Variants in TRPM3 observed in about 807,000 individuals in gnomAD.
TRPM3 encodes the protein long transient receptor potential channel 3.
TRPM3 carries 77 observed loss-of-function variants against 181.2 expected under a neutral mutation model. That is an observed-to-expected ratio of 0.42 (90% CI 0.35 to 0.51). The LOEUF (loss-of-function observed/expected upper bound fraction) is 0.51. Among genes scored for constraint, TRPM3 ranks in the 20% least tolerant of loss-of-function variants. The pLI, the probability that TRPM3 is intolerant of heterozygous loss-of-function variation, is 0.01. For missense variants in TRPM3, 1,759 were observed against 2,196.7 expected (o/e 0.80, Z 3.98); for synonymous variants, 745 against 796.4 (o/e 0.94, Z 1.09).
chr9:71,048,485 C>G (rs527659590), intron 1 of TRPM3, among the ~76,000 whole-genome samples: 1 of 152,296 alleles, frequency 6.6e-6, no homozygotes, highest in African/African-American at 2.4e-5. Context: ...AATCCGTCTT[C>G]CCCAAGCAAG....
chr9:70,890,590 T>C (rs147162208), intron 1 of TRPM3, among the ~76,000 whole-genome samples: 118 of 152,044 alleles, frequency 7.8e-4, no homozygotes, highest in African/African-American at 2.8e-3. Flanking sequence ...GAAGAAAACA[T>C]ATTTCGTAAA....
chr9:71,428,948 GAAAAAAAA>G (rs34737844), intron 1 of TRPM3, among the ~76,000 whole-genome samples: 1 of 121,998 alleles, frequency 8.2e-6, no homozygotes, highest in Admixed American at 8.3e-5. Flanking sequence ...TGTTTCAAAG[GAAAAAAAA>G]AAAAAAAAAA....
chr9:70,974,863 ATTT>A (rs1177545043), intron 1 of TRPM3, among the ~76,000 whole-genome samples: 2 of 117,974 alleles, frequency 1.7e-5, no homozygotes, highest in Admixed American at 9.8e-5. Flanking sequence ...TGGAACATCA[ATTT>A]TTTTTTTTTT....
At chr9:70,548,847 GCT>G (rs56761379) in intron 25 of TRPM3, among the ~76,000 whole-genome samples, 77,372 of 150,028 alleles carry the variant, frequency 0.52, 20,094 homozygotes, top group South Asian at 0.67. Context: ...AAGATCTTGT[GCT>G]CTCTCTCTCT....
At chr9:70,885,198 T>C (rs1428629659) in intron 1 of TRPM3, among the ~76,000 whole-genome samples, 1 of 152,204 alleles carries the variant, frequency 6.6e-6, no homozygotes, top group African/African-American at 2.4e-5. Context: ...AAGCAGGATT[T>C]CTCAACTCGG....
intron 1 of TRPM3, among the ~76,000 whole-genome samples, chr9:71,419,181 G>A (rs886240854): frequency 2.6e-5 from 4 of 151,536 alleles, no homozygotes; most frequent in African/African-American, 9.7e-5. Context: ...ATAATTTATA[G>A]GACTAGTAAA....
chr9:71,338,514 A>G (rs1377438447), intron 1 of TRPM3, among the ~76,000 whole-genome samples: 2 of 152,178 alleles, frequency 1.3e-5, no homozygotes, highest in Non-Finnish European at 2.9e-5. Context: ...AAGAATTGAT[A>G]AAACGGAAAA....
At chr9:70,557,921 T>C (rs550224178) in intron 22 of TRPM3, among the ~76,000 whole-genome samples, 1 of 152,264 alleles carries the variant, frequency 6.6e-6, no homozygotes, top group East Asian at 1.9e-4. Context: ...TATTTCCCCA[T>C]CCTAGTTTCC....
At chr9:71,173,089 G>A (rs1437691642) in intron 1 of TRPM3, among the ~76,000 whole-genome samples, 2 of 152,100 alleles carry the variant, frequency 1.3e-5, no homozygotes, top group African/African-American at 4.8e-5. Context: ...CAACTCAATT[G>A]TCAATGATGC....
At chr9:70,548,178 T>C (rs929494767) in intron 25 of TRPM3, among the ~76,000 whole-genome samples, 1 of 152,182 alleles carries the variant, frequency 6.6e-6, no homozygotes, top group African/African-American at 2.4e-5. Flanking sequence ...TATATGTCCA[T>C]TAATAAATAG....
chr9:70,661,858 A>G (rs945863475), intron 9 of TRPM3, among the ~76,000 whole-genome samples: 2 of 152,192 alleles, frequency 1.3e-5, no homozygotes, highest in African/African-American at 4.8e-5. Context: ...GCTCAAAGCA[A>G]TCTACAGATT....
At position 70,549,700 on chromosome 9, in the gene TRPM3, C is replaced by T. The variant is rs554422650; in HGVS notation, c.3575-26G>A. On this transcript the variant is annotated intron_variant, in intron 24 of 25. Transcript: ENST00000677713. ...CTGTGGAAAAAAAAAAAAAGGAAGT[C>T]TTGAGGGAGAGAAGTAAAAGCGATG... 282 of 1,564,444 alleles carry T rather than the reference C, an allele frequency of 1.8e-4. 2 individuals carry two copies. In the Middle Eastern group the frequency reaches 2.6e-3, roughly 14 times the overall value.
intron 9 of TRPM3, among the ~76,000 whole-genome samples, chr9:70,662,997 C>A (rs959692842): frequency 6.6e-6 from 1 of 152,092 alleles, no homozygotes; most frequent in African/African-American, 2.4e-5. Flanking sequence ...CATAAGCGCC[C>A]ATCAATTAAT....
intron 1 of TRPM3, among the ~76,000 whole-genome samples, chr9:71,181,792 A>C (rs1565312238): frequency 6.6e-6 from 1 of 152,152 alleles, no homozygotes; most frequent in Non-Finnish European, 1.5e-5. Context: ...ACAGGTGAAC[A>C]ATCCTTAGAC....
intron 1 of TRPM3, among the ~76,000 whole-genome samples, chr9:71,197,940 C>T (rs952992231): frequency 8.6e-5 from 13 of 151,146 alleles, no homozygotes; most frequent in Middle Eastern, 3.4e-3. Flanking sequence ...ACATGAAGTC[C>T]TTGCCCATGC....
At chr9:70,884,399 T>A (rs1329569242) in intron 1 of TRPM3, among the ~76,000 whole-genome samples, 1 of 152,194 alleles carries the variant, frequency 6.6e-6, no homozygotes, top group Admixed American at 6.5e-5. Context: ...TGGGATGCAG[T>A]GACCTGGTGA....
chr9:70,551,416 G>A (rs1165650391), intron 24 of TRPM3, among the ~76,000 whole-genome samples: 2 of 152,120 alleles, frequency 1.3e-5, no homozygotes, highest in Non-Finnish European at 2.9e-5. Context: ...CAATGCTTTC[G>A]TTGCTACCAT....
intron 1 of TRPM3, among the ~76,000 whole-genome samples, chr9:71,060,154 C>T (rs1388333425): frequency 6.6e-6 from 1 of 152,060 alleles, no homozygotes; most frequent in African/African-American, 2.4e-5. Flanking sequence ...CAAGAGCTTG[C>T]TAATCATCAC....
At chr9:70,546,739 G>A (rs1295447876) in intron 25 of TRPM3, among the ~76,000 whole-genome samples, 1 of 150,002 alleles carries the variant, frequency 6.7e-6, no homozygotes, top group African/African-American at 2.5e-5. Context: ...TTGGTTATTT[G>A]AGTATAATTA....
Sources: allele counts gnomAD v4.1 joint callset (sites outside exome capture counted in the v4.1 genomes callset), GRCh38; gene constraint gnomAD v4.1.1; transcripts MANE v1.5; gene names NCBI Gene and HGNC (gene_info 2026-07-23, HGNC 2026-07-21).